DHX16: variants seen among roughly 807,000 people sequenced by gnomAD.
The protein encoded by DHX16 is DEAH-box helicase 16, also known as pre-mRNA-splicing factor ATP-dependent RNA helicase DHX16.
DHX16 carries 81 observed loss-of-function variants against 131.2 expected under a neutral mutation model. The observed-to-expected ratio is 0.62, with a 90% CI of 0.52 to 0.74. The LOEUF (loss-of-function observed/expected upper bound fraction) is 0.74. Ranked by LOEUF, DHX16 falls within the 30% of genes least tolerant of loss-of-function variation. DHX16 has a pLI of 0.00. For synonymous variants in DHX16, 440 were observed against 520.2 expected, an observed-to-expected ratio of 0.85 and a Z score of 2.10; for missense variants, 980 against 1,363.1, an observed-to-expected ratio of 0.72 and a Z score of 4.43.
chr6:30,658,258 G>A (rs1221394875), intron 12 of DHX16, among the ~76,000 whole-genome samples: 1 of 152,040 alleles, frequency 6.6e-6, no homozygotes, highest in Non-Finnish European at 1.5e-5. Context: ...TTAGCTGGGT[G>A]TTGGCCAGGC....
intron 1 of DHX16, 80 bp from the exon 2 acceptor site, chr6:30,671,354 G>A: frequency 7.4e-7 from 1 of 1,357,400 alleles, no homozygotes; most frequent in Non-Finnish European, 1.0e-6. Flanking sequence ...CCTAATTTAA[G>A]CAATTACTTA....
In DHX16 at chr6:30,656,564, G is replaced by A; in HGVS notation, c.2311+33C>T. On this transcript the variant is annotated intron_variant, in intron 14 of 19. Transcript: ENST00000376442. This position sits in a 1 kb window ranked among gnomAD's most constrained non-coding sequence, Gnocchi z 5.1. ...GTCCCTTCAAAGGACAGTGACTCCAGCCCCTCCCTCCTCTCTCAGGTAGCC... is the reference window on the plus strand; with the variant it reads ...GTCCCTTCAAAGGACAGTGACTCCAACCCCTCCCTCCTCTCTCAGGTAGCC... 1 of 1,614,134 alleles carries A rather than the reference G, an allele frequency of 6.2e-7. No homozygotes were observed. The highest frequency in any genetic ancestry group is 8.5e-7 in the Non-Finnish European group (1 of 1,180,004).
rs753228386 is a variant in DHX16 at position 30,653,314 on chromosome 6, G to A, written c.3054C>T (p.Ala1018=). 1.2e-6 allele frequency: 2 copies of A among 1,612,854 alleles called. No individual in the cohort carries two copies. Among genetic ancestry groups the A allele is most frequent in the Non-Finnish European group, 1.7e-6 (2 of 1,179,984 alleles). ...LLEVAPHYYK[A]KELEDPHAKK... Reference sequence around the variant, plus strand: ...TAGCATGGGGATCTTCTAGCTCCTTGGCCTTATAATAATGGGGAGCCACCT... The same window carrying A: ...TAGCATGGGGATCTTCTAGCTCCTTAGCCTTATAATAATGGGGAGCCACCT... The change falls in exon 20 of 20, where the codon GCC becomes GCT. Residue 1018 remains alanine, a synonymous_variant. Transcript: ENST00000376442.
Position 30,662,885 on chromosome 6 carries a change from A to AC in DHX16, c.1428+25dup, listed in dbSNP as rs771019906. On this transcript the variant is annotated intron_variant, in intron 8 of 19. Coordinates refer to ENST00000376442, the MANE Select transcript of DHX16 (RefSeq NM_003587.5). The surrounding 1 kb of genome is among the most constrained non-coding windows in gnomAD (Gnocchi z 4.7). The stretch of plus-strand genomic sequence containing the variant: ...GACTGAGTCACAGACCCCAGACTCT[A>AC]CCCCCCGGTTCCCTAGAAATCTCAC... 3.7e-6 allele frequency: 6 copies of AC among 1,604,026 alleles called. No homozygotes were observed. Among genetic ancestry groups the AC allele is most frequent in the Non-Finnish European group, 5.1e-6 (6 of 1,173,576 alleles).
In DHX16 at chr6:30,660,039, TAGA is replaced by T. The variant is rs1561978781; in HGVS notation, c.1745_1747del (p.Phe582del). On this transcript the variant is annotated inframe_deletion, in exon 10 of 20. Coordinates refer to ENST00000376442, the MANE Select transcript of DHX16 (RefSeq NM_003587.5). The stretch of plus-strand genomic sequence containing the variant: ...TCCTCCCTGAGGGGGCACCTTGGTG[TAGA>T]AGATGTCCACAGGAAACCTGCGTCC... 3 of 1,612,640 alleles carry T rather than the reference TAGA, an allele frequency of 1.9e-6. No homozygotes were observed. Among genetic ancestry groups the T allele is most frequent in the African/African-American group, 1.3e-5 (1 of 75,042 alleles).
chr6:30,661,398 A>G (rs1324083044), intron 9 of DHX16, among the ~76,000 whole-genome samples: 1 of 151,422 alleles, frequency 6.6e-6, no homozygotes, highest in Non-Finnish European at 1.5e-5. Flanking sequence ...GTTTTAAAGG[A>G]AAAAAAAAGT....
At chr6:30,672,575 G>A (rs1482733254) in intron 1 of DHX16, 60 bp downstream of exon 1, 4 of 1,453,060 alleles carry the variant, frequency 2.8e-6, no homozygotes, top group African/African-American at 1.4e-5. Context: ...CTTCTCGATG[G>A]ACCGTTAGGC....
chr6:30,660,399 T>C (rs1768400104), intron 9 of DHX16, 157 bp from the exon 10 acceptor site: 5 of 555,508 alleles, frequency 9.0e-6, no homozygotes, highest in East Asian at 6.5e-5. Flanking sequence ...ATCCCACTTA[T>C]GTAGAGCAAC....
chr6:30,667,379 G>T (rs928018608), intron 4 of DHX16, among the ~76,000 whole-genome samples: 1 of 151,946 alleles, frequency 6.6e-6, no homozygotes, highest in African/African-American at 2.4e-5. Flanking sequence ...TCAGGAGATC[G>T]AGACCATCCT....
intron 9 of DHX16, among the ~76,000 whole-genome samples, chr6:30,660,770 T>A (rs911127837): frequency 6.6e-6 from 1 of 151,692 alleles, no homozygotes; most frequent in Non-Finnish European, 1.5e-5. Context: ...TAGTCCCAGC[T>A]ACTTGGGAGG....
Position 30,665,133 on chromosome 6 carries a change from G to A in DHX16, c.1063C>T (p.Leu355=). ...ATGGTCTCCTCCTCCTCCAGCACCA[G>A]TTGATACTTGGGCTCCTGAGAGGCA... The part of the protein sequence containing the change: ...DAASQEPKYQ[L]VLEEEETIEF... Residue 355 remains leucine (L), a synonymous_variant, in exon 6 of 20, where the codon CTG becomes TTG. Transcript: ENST00000376442. This position sits in a 1 kb window ranked among gnomAD's most constrained non-coding sequence, Gnocchi z 4.8. 1 of 1,613,998 alleles carries A rather than the reference G, an allele frequency of 6.2e-7. No individual in the cohort carries two copies. Among genetic ancestry groups the A allele is most frequent in the Non-Finnish European group, 8.5e-7 (1 of 1,179,972 alleles).
chr6:30,669,656 C>T (rs192486388), intron 4 of DHX16, among the ~76,000 whole-genome samples: 7 of 143,234 alleles, frequency 4.9e-5, no homozygotes, highest in South Asian at 2.3e-4. Flanking sequence ...ACTCAGGAGG[C>T]GGAGGTTGCA....
In DHX16 at chr6:30,672,714, A is replaced by G. The variant is rs1160361737; in HGVS notation, c.128T>C (p.Phe43Ser). ...TAQRCTSAEE[F>S]VQRLRDTDTL... is the part of the protein sequence containing the mutation. The stretch of plus-strand genomic sequence containing the variant: ...ATCAGTGTCTCGTAGGCGCTGCACG[A>G]ACTCCTCGGCAGAGGTGCAGCGCTG... The change falls in exon 1 of 20, where the codon TTC (phenylalanine) becomes TCC (serine). Residue 43 changes from phenylalanine to serine, a missense_variant. By Grantham distance (155) the Phe-to-Ser change is radical. Coordinates refer to ENST00000376442, the MANE Select transcript of DHX16 (RefSeq NM_003587.5). 1.2e-6 allele frequency: 2 copies of G among 1,612,782 alleles called. No individual in the cohort carries two copies. The highest frequency in any genetic ancestry group is 1.7e-6 in the Non-Finnish European group (2 of 1,179,978).
At chr6:30,657,300 G>GT (rs1434016290) in intron 12 of DHX16, among the ~76,000 whole-genome samples, 1 of 151,760 alleles carries the variant, frequency 6.6e-6, no homozygotes, top group Non-Finnish European at 1.5e-5. Context: ...GCCATAGGAG[G>GT]AAAGGAAATG....
chr6:30,672,075 G>A (rs1332693456), intron 1 of DHX16, among the ~76,000 whole-genome samples: 2 of 151,778 alleles, frequency 1.3e-5, no homozygotes, highest in Non-Finnish European at 2.9e-5. Flanking sequence ...CTCTGAGGGG[G>A]CTGAGAGAGG....
In DHX16 at chr6:30,665,073, C is replaced by T; in HGVS notation, c.1123G>A (p.Glu375Lys). ...AAGTCTCCCAGCTCCCCTCTTACCT[C>T]ATCACCCTGGAGCTGAGTGGCCCGG... ...FVRATQLQGD[E>K]EPSAPPTSTQ... The change falls in exon 6 of 20, where the codon GAG becomes AAG. Residue 375 changes from glutamate (E) to lysine (K), a missense_variant and splice_region_variant. By Grantham distance (56) the Glu-to-Lys change is moderately conservative. This residue lies in a region of DHX16 where 457 missense variants were observed against 554.8 expected (regional missense o/e 0.82). Coordinates refer to ENST00000376442, the MANE Select transcript of DHX16 (RefSeq NM_003587.5). The surrounding 1 kb of genome is among the most constrained non-coding windows in gnomAD (Gnocchi z 4.8). 1 of 1,614,042 alleles carries T rather than the reference C, an allele frequency of 6.2e-7. No individual in the cohort carries two copies. The highest frequency in any genetic ancestry group is 8.5e-7 in the Non-Finnish European group (1 of 1,179,990).
Position 30,672,767 on chromosome 6 carries a change from G to C in DHX16, c.75C>G (p.His25Gln). The change falls in exon 1 of 20, where the codon CAC becomes CAG. Residue 25 changes from histidine (H) to glutamine (Q), a missense_variant. Around this residue, in one of 3 missense-constraint regions of DHX16, gnomAD observed 457 missense variants for 554.8 expected, o/e 0.82. Transcript: ENST00000376442. The stretch of plus-strand genomic sequence containing the variant: ...CGGTACCGATCAGAAACTGGGCGAC[G>C]TGCCGCTCGCTCAGCCCCAACACCG... The part of the protein sequence containing the change: ...LHSVLGLSER[H>Q]VAQFLIGTAQ... 6.2e-7 allele frequency: 1 copy of C among 1,613,046 alleles called. No individual in the cohort carries two copies. The highest frequency in any genetic ancestry group is 8.5e-7 in the Non-Finnish European group (1 of 1,180,036).
intron 4 of DHX16, among the ~76,000 whole-genome samples, chr6:30,666,553 A>G (rs148304870): frequency 1.2e-3 from 181 of 152,150 alleles, no homozygotes; most frequent in African/African-American, 3.9e-3. Context: ...CACACCTGTA[A>G]TCCCAGCACT....
In DHX16 at chr6:30,672,969, G is replaced by C. The variant is rs958916391; in HGVS notation, c.-128C>G. The stretch of plus-strand genomic sequence containing the variant: ...CAAGTCAGCTACCTTGGGACCTCTA[G>C]GATCTTCCGACATCCCAAAGCTGTC... On this transcript the variant is annotated 5_prime_UTR_variant, in exon 1 of 20. Transcript: ENST00000376442. The C allele has an allele frequency of 6.4e-6, 10 of 1,552,262 alleles. No homozygotes were observed. The highest frequency in any genetic ancestry group is 2.4e-5 in the East Asian group (1 of 40,942).
Sources: allele counts gnomAD v4.1 joint callset (sites outside exome capture counted in the v4.1 genomes callset), GRCh38; gene constraint gnomAD v4.1.1; regional missense constraint gnomAD v4.1.1; non-coding constraint Gnocchi (gnomAD v3.1); transcripts MANE v1.5; gene names NCBI Gene and HGNC (gene_info 2026-07-23, HGNC 2026-07-21).